Variants in HSPB8 observed in about 807,000 individuals in gnomAD.
HSPB8 encodes the protein heat shock protein family B (small) member 8.
A neutral mutation model predicts 16.5 loss-of-function variants in HSPB8; 9 were observed. The observed-to-expected ratio is 0.55, with a 90% confidence interval of 0.33 to 0.95. The LOEUF is 0.95. Among genes scored for constraint, HSPB8 ranks in the 40% least tolerant of loss-of-function variants. The pLI is 0.03. For missense variants in HSPB8, 238 were observed against 251.2 expected, an observed-to-expected ratio of 0.95 and a Z score of 0.35; for synonymous variants, 99 against 94.8, an observed-to-expected ratio of 1.04 and a Z score of -0.26.
intron 1 of HSPB8, among the ~76,000 whole-genome samples, chr12:119,185,114 A>C (rs1377302315): frequency 6.6e-6 from 1 of 151,832 alleles, no homozygotes; most frequent in African/African-American, 2.4e-5. Context: ...GATTATAAGT[A>C]GTTTTGATGG....
intron 1 of HSPB8, among the ~76,000 whole-genome samples, chr12:119,184,329 A>G (rs1954659124): frequency 6.6e-6 from 1 of 152,262 alleles, no homozygotes; most frequent in African/African-American, 2.4e-5. Flanking sequence ...ACAGTGGCTG[A>G]CACCAAGGAA....
At chr12:119,182,160 T>C (rs1954642119) in intron 1 of HSPB8, 2 of 152,182 alleles carry the variant, frequency 1.3e-5, no homozygotes, top group African/African-American at 2.4e-5. Context: ...GGGTGAGTCA[T>C]GCAGTCTCAA....
At position 119,183,123 on chromosome 12, in the gene HSPB8, C is replaced by A. The variant is rs78239888; in HGVS notation, c.367+3444C>A. 318 of 152,322 alleles carry A rather than the reference C, an allele frequency of 2.1e-3. 7 individuals carry two copies. The East Asian group carries it at 0.041, about 20-fold the overall frequency. The allele number at this position is 152,322 out of a possible 1,614,324, so 9.4% of individuals were successfully genotyped here. ...GAGAGTTCAAGGTCTTGTATGGTGC[C>A]AGTAAAAACAAAATTATAAACAGGT... On this transcript the variant is annotated intron_variant, in intron 1 of 2. Transcript: ENST00000281938.
At chr12:119,184,472 C>T (rs1592929617) in intron 1 of HSPB8, among the ~76,000 whole-genome samples, 5 of 152,234 alleles carry the variant, frequency 3.3e-5, no homozygotes, top group South Asian at 4.2e-4. Flanking sequence ...GCAGGTCTCC[C>T]GGCGCCCTGG....
rs1196313978 is a variant in HSPB8 at position 119,179,669 on chromosome 12, G to A, written c.357G>A (p.Val119=). The part of the protein sequence containing the change: ...ELMVKTKDGY[V]EVSGKHEEKQ... ...TGGTGAAGACCAAAGATGGATACGTGGAGGTGTCTGGTAAGTCAGGGGCAG... is the reference window on the plus strand; with the variant it reads ...TGGTGAAGACCAAAGATGGATACGTAGAGGTGTCTGGTAAGTCAGGGGCAG... Residue 119 remains valine (V), a synonymous_variant, in exon 1 of 3, where the codon GTG becomes GTA. Transcript: ENST00000281938. 8 of 1,580,284 alleles carry A rather than the reference G, an allele frequency of 5.1e-6. No individual in the cohort carries two copies. The highest frequency in any genetic ancestry group is 6.9e-6 in the Non-Finnish European group (8 of 1,164,712).
In HSPB8 at chr12:119,179,221, A is replaced by G; in HGVS notation, c.-92A>G. 7.4e-7 allele frequency: 1 copy of G among 1,354,426 alleles called. No individual in the cohort carries two copies. 83.9% of individuals were successfully genotyped at this position (1,354,426 alleles called of 1,614,324 possible). A position where few individuals can be genotyped will look rare whatever the true frequency, so the allele number is the denominator to read the frequency against. ...CAGCATTTTCGGAAGCTGAAGAATA[A>G]GCTAGCCCAGCCACACCACCTTGTT... is the stretch of plus-strand genomic sequence containing the variant. On this transcript the variant is annotated 5_prime_UTR_variant, in exon 1 of 3. Coordinates refer to ENST00000281938, the MANE Select transcript of HSPB8 (RefSeq NM_014365.3).
chr12:119,181,184 T>C lies in HSPB8; in HGVS notation c.367+1505T>C, dbSNP rs531005585. Among the ~76,000 whole-genome samples, 36 of 152,258 alleles carry C rather than the reference T, an allele frequency of 2.4e-4. No individual in the cohort carries two copies. The South Asian group carries it at 7.5e-3, about 32-fold the overall frequency. ...GACAGATCTCAGTTCATTTAGGAAG[T>C]TTATTTTGCCGAGGTTGAGGACACT... On this transcript the variant is annotated intron_variant, in intron 1 of 2. Coordinates refer to ENST00000281938, the MANE Select transcript of HSPB8 (RefSeq NM_014365.3).
chr12:119,187,171 C>T lies in HSPB8; in HGVS notation c.431+83C>T, dbSNP rs73213453. The T allele has an allele frequency of 0.056, 60,880 of 1,093,004 alleles. 1,936 individuals are homozygous for T. The highest frequency in any genetic ancestry group is 0.12 in the Admixed American group (6,861 of 56,902). The allele number at this position is 1,093,004 out of a possible 1,614,324, so 67.7% of individuals were successfully genotyped here. On this transcript the variant is annotated intron_variant, in intron 2 of 2. Coordinates refer to ENST00000281938, the MANE Select transcript of HSPB8 (RefSeq NM_014365.3). Reference sequence around the variant, plus strand: ...GACCCATGATCTGGGGTCTCTCCCTCTTGGGCATCTCTCTTTTAAGACACC... The same window carrying T: ...GACCCATGATCTGGGGTCTCTCCCTTTTGGGCATCTCTCTTTTAAGACACC...
intron 2 of HSPB8, 27 bp downstream of exon 2, chr12:119,187,115 AG>A (rs1954681310): frequency 6.4e-7 from 1 of 1,571,348 alleles, no homozygotes; most frequent in Non-Finnish European, 8.8e-7. Context: ...CATGGAGCTC[AG>A]GGTGGGAGTG....
rs949321996 is a variant in HSPB8, at chr12:119,194,491, T to C, written c.*633T>C. The C allele has an allele frequency of 1.2e-5, 2 of 161,320 alleles. No individual in the cohort carries two copies. Among genetic ancestry groups the C allele is most frequent in the Non-Finnish European group, 2.7e-5 (2 of 74,360 alleles). The allele number at this position is 161,320 out of a possible 1,614,324, so 10.0% of individuals were successfully genotyped here. ...CCTAAGGACGCTGGGAGCCTGTCAGTTTATGATCTGACCTAGGTCCCCCCT... is the reference window on the plus strand; with the variant it reads ...CCTAAGGACGCTGGGAGCCTGTCAGCTTATGATCTGACCTAGGTCCCCCCT... On this transcript the variant is annotated 3_prime_UTR_variant, in exon 3 of 3. Transcript: ENST00000281938.
chr12:119,186,144 A>G (rs1954674544), intron 1 of HSPB8, among the ~76,000 whole-genome samples: 2 of 152,176 alleles, frequency 1.3e-5, no homozygotes, highest in African/African-American at 2.4e-5. Flanking sequence ...CAAGATCAAA[A>G]CCAGTTTAGG....
intron 1 of HSPB8, among the ~76,000 whole-genome samples, chr12:119,184,013 G>A (rs994946128): frequency 6.6e-6 from 1 of 152,258 alleles, no homozygotes; most frequent in East Asian, 1.9e-4. Context: ...GATAGGTGTC[G>A]TCATTCCCAT....
chr12:119,182,798 C>T (rs1173740502), intron 1 of HSPB8: 1 of 152,086 alleles, frequency 6.6e-6, no homozygotes, highest in African/African-American at 2.4e-5. Flanking sequence ...TCACAAGGAC[C>T]TCCTAGGAAG....
In HSPB8 at chr12:119,179,524, G is replaced by A. The variant is rs1312255584; in HGVS notation, c.212G>A (p.Arg71Gln). ...PGTLRSGMVP[R>Q]GPTATARFGV... Reference sequence around the variant, plus strand: ...ACCCTAAGGTCGGGCATGGTGCCCCGGGGCCCCACTGCCACCGCCAGGTTT... The same window carrying A: ...ACCCTAAGGTCGGGCATGGTGCCCCAGGGCCCCACTGCCACCGCCAGGTTT... The change falls in exon 1 of 3, where the codon CGG becomes CAG. Residue 71 changes from arginine (R) to glutamine (Q), a missense_variant. Transcript: ENST00000281938. 16 of 1,613,674 alleles carry A rather than the reference G, an allele frequency of 9.9e-6. No individual in the cohort carries two copies. Among genetic ancestry groups the A allele is most frequent in the South Asian group, 8.8e-5 (8 of 91,070 alleles).
chr12:119,189,093 T>A (rs1954694844), intron 2 of HSPB8, among the ~76,000 whole-genome samples: 1 of 152,156 alleles, frequency 6.6e-6, no homozygotes, highest in African/African-American at 2.4e-5. Context: ...TTGTTCTTCG[T>A]GTTTGCTGGC....
chr12:119,190,285 C>G (rs1020193301), intron 2 of HSPB8, among the ~76,000 whole-genome samples: 10 of 152,298 alleles, frequency 6.6e-5, no homozygotes, highest in Non-Finnish European at 1.5e-4. Flanking sequence ...ACCTCTGGAC[C>G]AATCTCAGGA....
Position 119,184,005 on chromosome 12 carries a change from T to C in HSPB8, c.368-3020T>C, listed in dbSNP as rs372717790. On this transcript the variant is annotated intron_variant, in intron 1 of 2. Transcript: ENST00000281938. ...TGCTTCCTACGGTAACCCGGTAAGA[T>C]AGGTGTCGTCATTCCCATTTCAGAG... Among the ~76,000 whole-genome samples the C allele has an allele frequency of 2.1e-4, 32 of 152,354 alleles. No homozygotes were observed. The South Asian group carries it at 6.0e-3, about 29-fold the overall frequency.
chr12:119,189,448 G>C (rs1481458435), intron 2 of HSPB8, among the ~76,000 whole-genome samples: 1 of 151,994 alleles, frequency 6.6e-6, no homozygotes, highest in African/African-American at 2.4e-5. Flanking sequence ...AGCTGGGCTA[G>C]TTGTTAAAAT....
chr12:119,190,220 G>T (rs1954704240), intron 2 of HSPB8, among the ~76,000 whole-genome samples: 1 of 152,174 alleles, frequency 6.6e-6, no homozygotes, highest in Non-Finnish European at 1.5e-5. Context: ...ACTCCTGGGA[G>T]CTCCTGGCTC....
Sources: gnomAD v4.1 joint callset for allele counts (sites outside exome capture counted in the v4.1 genomes callset) on GRCh38, gnomAD v4.1.1 for gene constraint, MANE v1.5 for transcripts, NCBI Gene and HGNC (gene_info 2026-07-23, HGNC 2026-07-21) for gene names.